The following MRTFB variants were observed in gnomAD, a reference collection of about 807,000 sequenced individuals.
MRTFB encodes myocardin related transcription factor B, also known as myocardin-related transcription factor B.
In MRTFB, 29 loss-of-function variants were observed where a neutral mutation model predicts 104.2. The ratio of observed to expected loss-of-function variants is 0.28; its 90% CI spans 0.21 to 0.38. MRTFB has a LOEUF of 0.38. Among genes scored for constraint, MRTFB ranks in the 10% least tolerant of loss-of-function variants. The pLI, the probability that MRTFB is intolerant of heterozygous loss-of-function variation, is 1.00. For synonymous variants in MRTFB, 535 were observed against 519.5 expected (o/e 1.03, Z -0.41); for missense variants, 1,270 against 1,341.6 (o/e 0.95, Z 0.83).
Position 14,099,689 on chromosome 16 carries a change from A to G in MRTFB, c.-64+20335A>G, listed in dbSNP as rs554089598. On this transcript the variant is annotated intron_variant, in intron 2 of 16. Transcript: ENST00000571589. Reference sequence around the variant, plus strand: ...TCTTTTCTTTTTTTTTTTTTTTGAGACAGAGTCTCACTGTGTCGTCCAGGC... The same window carrying G: ...TCTTTTCTTTTTTTTTTTTTTTGAGGCAGAGTCTCACTGTGTCGTCCAGGC... 6.5e-5 allele frequency among the ~76,000 whole-genome samples: 8 copies of G among 122,960 alleles called. No homozygotes were observed. The East Asian group carries it at 1.7e-3, about 26-fold the overall frequency. 80.7% of individuals were successfully genotyped at this position (122,960 alleles called of 152,430 possible).
At chr16:14,042,531 T>C in the MRTFB span, among the ~76,000 whole-genome samples, 1 of 152,182 alleles carries the variant, frequency 6.6e-6, no homozygotes, top group African/African-American at 2.4e-5. Flanking sequence ...ACTTGAACCA[T>C]GGGGAAGTTA....
At chr16:13,999,053 G>A in the MRTFB span, among the ~76,000 whole-genome samples, 1 of 151,700 alleles carries the variant, frequency 6.6e-6, no homozygotes, top group African/African-American at 2.4e-5. Flanking sequence ...AGCCAGGCGT[G>A]GTAGCATGTG....
At chr16:14,211,168 A>G (rs1015780738) in intron 4 of MRTFB, among the ~76,000 whole-genome samples, 7 of 152,122 alleles carry the variant, frequency 4.6e-5, no homozygotes, top group African/African-American at 1.7e-4. Flanking sequence ...TTTCCCAGTA[A>G]AACCTTTTTT....
At chr16:14,111,338 C>G (rs1241358038) in intron 2 of MRTFB, among the ~76,000 whole-genome samples, 1 of 152,138 alleles carries the variant, frequency 6.6e-6, no homozygotes, top group African/African-American at 2.4e-5. Flanking sequence ...GAAGCTTGCT[C>G]ACATCAAGTG....
intron 3 of MRTFB, among the ~76,000 whole-genome samples, chr16:14,171,499 G>GAA (rs3086621): frequency 0.074 from 10,251 of 138,726 alleles, 685 homozygotes; most frequent in African/African-American, 0.17. Context: ...ACTCTGTCTC[G>GAA]AAAAAAAAAA....
At chr16:14,166,774 T>G (rs2039258352) in intron 3 of MRTFB, among the ~76,000 whole-genome samples, 1 of 152,118 alleles carries the variant, frequency 6.6e-6, no homozygotes, top group South Asian at 2.1e-4. Flanking sequence ...GATTTTCTGT[T>G]CCTGCATTAG....
chr16:14,207,646 T>A (rs2041008811), intron 3 of MRTFB, among the ~76,000 whole-genome samples: 1 of 152,186 alleles, frequency 6.6e-6, no homozygotes, highest in South Asian at 2.1e-4. Flanking sequence ...GACCAAGGCA[T>A]GGCCAGAGGA....
intron 2 of MRTFB, among the ~76,000 whole-genome samples, chr16:14,094,782 G>C (rs1025608820): frequency 1.3e-5 from 2 of 152,178 alleles, no homozygotes; most frequent in African/African-American, 2.4e-5. Context: ...GGAAAGCAGG[G>C]CTGGCGCTCC....
chr16:14,240,515 G>T, intron 10 of MRTFB, 31 bp downstream of exon 10: 1 of 1,614,166 alleles, frequency 6.2e-7, no homozygotes, highest in Non-Finnish European at 8.5e-7. Flanking sequence ...TCCTCAACGC[G>T]GGGTTTTCTG....
intron 2 of MRTFB, among the ~76,000 whole-genome samples, chr16:14,108,563 C>T (rs757670965): frequency 4.6e-5 from 7 of 152,220 alleles, no homozygotes; most frequent in South Asian, 2.1e-4. Flanking sequence ...AAGCTAACTG[C>T]GGGGGAACTT....
At chr16:14,191,670 A>G (rs1434981864) in intron 3 of MRTFB, 1 of 152,218 alleles carries the variant, frequency 6.6e-6, no homozygotes, top group African/African-American at 2.4e-5. Flanking sequence ...TAAACAGAAT[A>G]TAATAATTGG....
intron 2 of MRTFB, among the ~76,000 whole-genome samples, chr16:14,088,698 AG>A (rs1399819458): frequency 9.2e-5 from 14 of 152,162 alleles, no homozygotes; most frequent in African/African-American, 3.4e-4. Flanking sequence ...CTGAGATGAA[AG>A]GTTCATGACT....
At chr16:14,104,950 G>T (rs2035894257) in intron 2 of MRTFB, among the ~76,000 whole-genome samples, 1 of 152,146 alleles carries the variant, frequency 6.6e-6, no homozygotes, top group African/African-American at 2.4e-5. Flanking sequence ...CGTTATCCTT[G>T]TTAGAACTTA....
chr16:14,099,263 A>G (rs1015975821), intron 2 of MRTFB, among the ~76,000 whole-genome samples: 5 of 152,138 alleles, frequency 3.3e-5, no homozygotes, highest in Non-Finnish European at 5.9e-5. Context: ...CAGTGTTTTT[A>G]AAGTAGAGAT....
intron 2 of MRTFB, among the ~76,000 whole-genome samples, chr16:14,083,480 C>T (rs554615024): frequency 6.6e-6 from 1 of 152,202 alleles, no homozygotes; most frequent in East Asian, 1.9e-4. Context: ...AGGCACAGTC[C>T]CTGGGTACTG....
the MRTFB span, among the ~76,000 whole-genome samples, chr16:14,056,175 C>T: frequency 1.3e-5 from 2 of 152,006 alleles, no homozygotes; most frequent in African/African-American, 2.4e-5. Context: ...GACAGGGTTT[C>T]GTCATGTTCG....
intron 2 of MRTFB, among the ~76,000 whole-genome samples, chr16:14,139,126 A>C (rs1197176420): frequency 6.6e-6 from 1 of 152,226 alleles, no homozygotes; most frequent in Non-Finnish European, 1.5e-5. Flanking sequence ...TATTAAGAAC[A>C]TACAAAATAG....
intron 8 of MRTFB, among the ~76,000 whole-genome samples, chr16:14,221,645 T>G (rs2041712355): frequency 4.6e-5 from 7 of 152,206 alleles, no homozygotes; most frequent in Admixed American, 4.6e-4. Context: ...TTTCAGGGGT[T>G]CTTTGAGATT....
the MRTFB span, among the ~76,000 whole-genome samples, chr16:14,059,314 GA>G: frequency 6.6e-6 from 1 of 152,004 alleles, no homozygotes; most frequent in Non-Finnish European, 1.5e-5. Context: ...CAGAAGCCTA[GA>G]ACTTACTGCT....
Sources: gnomAD v4.1 joint callset for allele counts (sites outside exome capture counted in the v4.1 genomes callset) on GRCh38, gnomAD v4.1.1 for gene constraint, MANE v1.5 for transcripts, NCBI Gene and HGNC (gene_info 2026-07-23, HGNC 2026-07-21) for gene names.